The following TXNDC16 variants were observed in gnomAD, a reference collection of about 807,000 sequenced individuals.
The protein encoded by TXNDC16 is thioredoxin domain-containing protein 16.
A neutral mutation model predicts 85.6 loss-of-function variants in TXNDC16; 74 were observed. The observed-to-expected ratio is 0.86, with a 90% confidence interval of 0.72 to 1.05. TXNDC16 has a LOEUF of 1.05. TXNDC16 is among the 50% of genes least tolerant of loss of function. The pLI, the probability that TXNDC16 is intolerant of heterozygous loss-of-function variation, is 0.00. For missense variants in TXNDC16, 959 were observed against 947.0 expected (o/e 1.01, Z -0.17); for synonymous variants, 335 against 326.5 (o/e 1.03, Z -0.28).
At chr14:52,507,597 C>T (rs2036843022) in intron 9 of TXNDC16, among the ~76,000 whole-genome samples, 1 of 152,206 alleles carries the variant, frequency 6.6e-6, no homozygotes, top group Admixed American at 6.5e-5. Flanking sequence ...AAAGAGCCCA[C>T]ATTGCCAAGT....
intron 2 of TXNDC16, 75 bp from the exon 3 acceptor site, chr14:52,543,705 A>G: frequency 2.3e-6 from 2 of 885,548 alleles, no homozygotes; most frequent in South Asian, 3.4e-5. Context: ...AAAATCTACA[A>G]AAAGAAAGTC....
At chr14:52,478,161 T>G (rs531521150) in intron 14 of TXNDC16, among the ~76,000 whole-genome samples, 5 of 152,172 alleles carry the variant, frequency 3.3e-5, no homozygotes, top group Admixed American at 1.3e-4. Flanking sequence ...TATCAAAACC[T>G]CTGGAATATA....
chr14:52,544,596 A>G (rs1029034438), intron 1 of TXNDC16, among the ~76,000 whole-genome samples: 5 of 152,114 alleles, frequency 3.3e-5, no homozygotes, highest in Non-Finnish European at 4.4e-5. Context: ...ATAAAATAAT[A>G]AAGAATTTGA....
intron 18 of TXNDC16, 146 bp from the exon 19 acceptor site, chr14:52,440,870 T>C: frequency 1.5e-6 from 1 of 675,436 alleles, no homozygotes; most frequent in South Asian, 2.3e-5. Flanking sequence ...TTTACTATAT[T>C]AATAACTATG....
At chr14:52,497,891 A>AAAG (rs1251013570) in intron 9 of TXNDC16, among the ~76,000 whole-genome samples, 1 of 151,824 alleles carries the variant, frequency 6.6e-6, no homozygotes, top group East Asian at 1.9e-4. Flanking sequence ...AAAAAAAAAA[A>AAAG]AAAAAAAAAC....
At chr14:52,495,748 T>TTTGA (rs1386697446) in intron 9 of TXNDC16, among the ~76,000 whole-genome samples, 6 of 152,232 alleles carry the variant, frequency 3.9e-5, no homozygotes, top group African/African-American at 1.4e-4. Flanking sequence ...CCCATCAAGC[T>TTTGA]TTGATTGAGT....
At chr14:52,537,356 G>C (rs552002789) in intron 5 of TXNDC16, among the ~76,000 whole-genome samples, 1 of 152,188 alleles carries the variant, frequency 6.6e-6, no homozygotes, top group Non-Finnish European at 1.5e-5. Flanking sequence ...GGCATTTGTT[G>C]TAGGAGTTTA....
intron 16 of TXNDC16, among the ~76,000 whole-genome samples, chr14:52,460,420 A>G (rs1650635162): frequency 6.6e-6 from 1 of 152,174 alleles, no homozygotes; most frequent in African/African-American, 2.4e-5. Flanking sequence ...AACTAGAAAA[A>G]AAGTATTTCA....
intron 15 of TXNDC16, 95 bp downstream of exon 15, chr14:52,470,417 T>C (rs1019562782): frequency 8.2e-6 from 11 of 1,336,384 alleles, no homozygotes; most frequent in Middle Eastern, 2.2e-4. Context: ...TTCTAGTATC[T>C]TCCTTAACCT....
chr14:52,511,088 A>C, intron 9 of TXNDC16, 152 bp downstream of exon 9: 1 of 561,998 alleles, frequency 1.8e-6, no homozygotes, highest in Non-Finnish European at 2.8e-6. Context: ...CCTCAAAATG[A>C]AAAAAAGGGA....
At chr14:52,474,904 T>G (rs1174152511) in intron 14 of TXNDC16, among the ~76,000 whole-genome samples, 1 of 151,938 alleles carries the variant, frequency 6.6e-6, no homozygotes, top group Non-Finnish European at 1.5e-5. Context: ...AGCAATACAT[T>G]AGGAAAGCCA....
At chr14:52,516,418 T>C (rs2140188873) in intron 7 of TXNDC16, among the ~76,000 whole-genome samples, 1 of 152,332 alleles carries the variant, frequency 6.6e-6, no homozygotes, top group Non-Finnish European at 1.5e-5. Flanking sequence ...CACTGCTCCA[T>C]TTCCTTCCAT....
chr14:52,549,932 C>T (rs564883921), intron 1 of TXNDC16, among the ~76,000 whole-genome samples: 2 of 152,176 alleles, frequency 1.3e-5, no homozygotes, highest in Admixed American at 6.5e-5. Flanking sequence ...CCACCATGCC[C>T]GACCCAAACA....
chr14:52,488,614 T>A (rs1039601191), intron 11 of TXNDC16, 128 bp from the exon 12 acceptor site: 14 of 621,140 alleles, frequency 2.3e-5, no homozygotes, highest in Non-Finnish European at 3.7e-5. Flanking sequence ...GGCAGGCGGA[T>A]CATCTGAGGT....
intron 9 of TXNDC16, among the ~76,000 whole-genome samples, chr14:52,503,420 T>C (rs1594736411): frequency 6.6e-6 from 1 of 152,180 alleles, no homozygotes. Flanking sequence ...TTCACCAATA[T>C]TCGCTGTTCT....
At chr14:52,488,090 A>G (rs542325377) in intron 12 of TXNDC16, among the ~76,000 whole-genome samples, 34 of 152,352 alleles carry the variant, frequency 2.2e-4, no homozygotes, top group Non-Finnish European at 4.3e-4. Context: ...AGAACGGCTG[A>G]AAGAACTGAT....
intron 7 of TXNDC16, among the ~76,000 whole-genome samples, chr14:52,515,236 T>A (rs2037054288): frequency 6.6e-6 from 1 of 152,120 alleles, no homozygotes; most frequent in South Asian, 2.1e-4. Context: ...CTTGTGGTAG[T>A]TTCTTTCTAG....
intron 12 of TXNDC16, among the ~76,000 whole-genome samples, chr14:52,486,499 A>G (rs2036275552): frequency 2.0e-5 from 3 of 151,812 alleles, no homozygotes. Context: ...CCCAGGCTGG[A>G]ACACATGCTT....
At chr14:52,532,841 A>G (rs1307911227) in intron 6 of TXNDC16, among the ~76,000 whole-genome samples, 1 of 152,152 alleles carries the variant, frequency 6.6e-6, no homozygotes, top group East Asian at 1.9e-4. Context: ...TTTAGCATCC[A>G]AAAGTAAGAA....
Sources: gnomAD v4.1 joint callset for allele counts (sites outside exome capture counted in the v4.1 genomes callset) on GRCh38, gnomAD v4.1.1 for gene constraint, MANE v1.5 for transcripts, NCBI Gene and HGNC (gene_info 2026-07-23, HGNC 2026-07-21) for gene names.